Variants in COL19A1 observed in about 807,000 individuals in gnomAD.
The protein encoded by COL19A1 is collagen type XIX alpha 1 chain.
In COL19A1, 159 loss-of-function variants were observed where a neutral mutation model predicts 190.2. The ratio of observed to expected loss-of-function variants is 0.84; its 90% confidence interval spans 0.73 to 0.95. The LOEUF (loss-of-function observed/expected upper bound fraction) is 0.95. Among genes scored for constraint, COL19A1 ranks in the 40% least tolerant of loss-of-function variants. The pLI, the probability that COL19A1 is intolerant of heterozygous loss-of-function variation, is 0.00. For missense variants in COL19A1, 1,418 were observed against 1,431.9 expected (o/e 0.99, Z 0.16); for synonymous variants, 509 against 458.9 (o/e 1.11, Z -1.39).
rs1786212130 is a variant in COL19A1, at chr6:70,140,957, G to C, written c.1450G>C (p.Glu484Gln). Residue 484 changes from glutamate (E) to glutamine (Q), a missense_variant, in exon 20 of 51, where the codon GAG becomes CAG. Coordinates refer to ENST00000620364, the MANE Select transcript of COL19A1 (RefSeq NM_001858.6). ...GPKGQKGEPG[E>Q]PFTKGEKGDR... ...ATTTTCTACCCCTTCTCCTTAGGGA[G>C]AGCCTTTTACAAAAGGAGAAAAAGG... is the stretch of plus-strand genomic sequence containing the variant. 1.9e-6 allele frequency: 3 copies of C among 1,610,534 alleles called. No homozygotes were observed. The highest frequency in any genetic ancestry group is 2.5e-6 in the Non-Finnish European group (3 of 1,177,522).
intron 42 of COL19A1, among the ~76,000 whole-genome samples, chr6:70,178,868 G>C (rs901674654): frequency 3.9e-5 from 6 of 152,178 alleles, no homozygotes; most frequent in African/African-American, 1.4e-4. Context: ...TGGGTTTACA[G>C]GAAGAAGTGC....
chr6:70,161,686 A>G (rs375418970), intron 34 of COL19A1, among the ~76,000 whole-genome samples: 38 of 152,292 alleles, frequency 2.5e-4, no homozygotes, highest in African/African-American at 8.4e-4. Flanking sequence ...CAATTTATCC[A>G]CATAACCGAA....
At chr6:69,873,431 G>A (rs1767952097) in intron 1 of COL19A1, among the ~76,000 whole-genome samples, 1 of 152,152 alleles carries the variant, frequency 6.6e-6, no homozygotes, top group Admixed American at 6.5e-5. Context: ...ACATATGCGT[G>A]TGTGAGGCTT....
At chr6:69,968,972 T>C (rs1775270218) in intron 11 of COL19A1, among the ~76,000 whole-genome samples, 1 of 152,188 alleles carries the variant, frequency 6.6e-6, no homozygotes, top group Non-Finnish European at 1.5e-5. Context: ...TCACATATTT[T>C]TGTGTTCTGT....
chr6:70,076,006 T>C (rs1032406982), intron 15 of COL19A1, among the ~76,000 whole-genome samples: 3 of 152,230 alleles, frequency 2.0e-5, no homozygotes, highest in African/African-American at 7.2e-5. Context: ...TTTATTTATG[T>C]GAATAGACCC....
At chr6:69,920,787 G>A (rs887018699) in intron 4 of COL19A1, among the ~76,000 whole-genome samples, 2 of 150,472 alleles carry the variant, frequency 1.3e-5, no homozygotes, top group African/African-American at 4.9e-5. Context: ...TTCAAATGTA[G>A]GTTAGTATTA....
Position 70,207,519 on chromosome 6 carries a change from G to T in COL19A1, c.*245G>T. The T allele has an allele frequency of 3.6e-6, 1 of 277,774 alleles. No homozygotes were observed. The highest frequency in any genetic ancestry group is 6.7e-6 in the Non-Finnish European group (1 of 150,340). The allele number at this position is 277,774 out of a possible 1,614,324, so 17.2% of individuals were successfully genotyped here. On this transcript the variant is annotated 3_prime_UTR_variant, in exon 51 of 51. Transcript: ENST00000620364. ...ACAATTGCTATGATTTTTACTCAGAGTTTTATATGAAATATGCAAGTAAAT... is the reference window on the plus strand; with the variant it reads ...ACAATTGCTATGATTTTTACTCAGATTTTTATATGAAATATGCAAGTAAAT...
intron 49 of COL19A1, 94 bp from the exon 50 acceptor site, chr6:70,206,807 A>G (rs1042958509): frequency 2.6e-5 from 27 of 1,040,830 alleles, no homozygotes; most frequent in Non-Finnish European, 2.9e-5. Flanking sequence ...AATGTATCAC[A>G]TAATTATCAC....
At chr6:70,131,045 A>ATT (rs1562203476) in intron 18 of COL19A1, 1 of 462,268 alleles carries the variant, frequency 2.2e-6, no homozygotes, top group Non-Finnish European at 4.5e-6. Flanking sequence ...TCCCCTTGTC[A>ATT]TTTGCAGGTT....
At chr6:70,115,642 A>G (rs1394736600) in intron 16 of COL19A1, among the ~76,000 whole-genome samples, 1 of 152,142 alleles carries the variant, frequency 6.6e-6, no homozygotes, top group East Asian at 1.9e-4. Context: ...TTTCACCTAT[A>G]TGTGGCCCAT....
intron 13 of COL19A1, among the ~76,000 whole-genome samples, chr6:70,034,582 T>C (rs926376471): frequency 2.6e-5 from 4 of 152,200 alleles, no homozygotes; most frequent in African/African-American, 9.6e-5. Flanking sequence ...TTAGCAAGTG[T>C]GACCTGTATT....
At position 69,932,819 on chromosome 6, in the gene COL19A1, A is replaced by C; in HGVS notation, c.703A>C (p.Asn235His). 40 of 1,609,440 alleles carry C rather than the reference A, an allele frequency of 2.5e-5. No homozygotes were observed. The highest frequency in any genetic ancestry group is 3.4e-5 in the Non-Finnish European group (40 of 1,177,124). ...LHQLKIYCSANLIAQETCCEI... is the reference protein window; with the variant it reads ...LHQLKIYCSAHLIAQETCCEI... ...CCAACTTAAAATCTACTGCAGTGCA[A>C]ACCTCATAGCTCAAGAAACATGTTG... Residue 235 changes from asparagine (N) to histidine (H), a missense_variant, in exon 7 of 51, where the codon AAC (asparagine) becomes CAC (histidine). Transcript: ENST00000620364.
In COL19A1 at chr6:70,195,136, GATATATATAT is replaced by G. The variant is rs202055762; in HGVS notation, c.3095-4454_3095-4445del. 4.4e-5 allele frequency among the ~76,000 whole-genome samples: 6 copies of G among 136,020 alleles called. No individual in the cohort carries two copies. The South Asian group carries it at 7.2e-4, about 16-fold the overall frequency. The allele number at this position is 136,020 out of a possible 152,430, so 89.2% of individuals were successfully genotyped here. ...CATCTGATAAATATACATCATTGATGATATATATATATATATATATATATATAAAGAGTTA... is the reference window on the plus strand; with the variant it reads ...CATCTGATAAATATACATCATTGATGATATATATATATATATAAAGAGTTA... On this transcript the variant is annotated intron_variant, in intron 48 of 50. Transcript: ENST00000620364.
chr6:69,966,664 C>G (rs1425449421), intron 11 of COL19A1, among the ~76,000 whole-genome samples: 1 of 151,978 alleles, frequency 6.6e-6, no homozygotes, highest in Non-Finnish European at 1.5e-5. Flanking sequence ...CTAGGAAAAC[C>G]AGAGACCTTT....
chr6:69,919,515 T>C (rs1771555607), intron 4 of COL19A1, among the ~76,000 whole-genome samples: 1 of 152,072 alleles, frequency 6.6e-6, no homozygotes, highest in South Asian at 2.1e-4. Flanking sequence ...CAGAAAACTT[T>C]TAGGTTTTAT....
In COL19A1 at chr6:70,035,928, C is replaced by G; in HGVS notation, c.1159C>G (p.Pro387Ala). Residue 387 changes from proline (P) to alanine (A), a missense_variant, in exon 14 of 51, where the codon CCA becomes GCA. Pro to Ala is a conservative substitution (Grantham distance 27). Transcript: ENST00000620364. ...GGGAGATACAGGACCCCCAGGACCA[C>G]CAGCCTTACCTGTAAGTATTCTTGA... The part of the protein sequence containing the change: ...EKGDTGPPGP[P>A]ALPGSLGIQG... 3.7e-6 allele frequency: 6 copies of G among 1,613,426 alleles called. No individual in the cohort carries two copies. Among genetic ancestry groups the G allele is most frequent in the Non-Finnish European group, 5.1e-6 (6 of 1,179,464 alleles).
chr6:69,898,366 AG>A (rs1769931979), intron 2 of COL19A1, among the ~76,000 whole-genome samples: 1 of 152,192 alleles, frequency 6.6e-6, no homozygotes, highest in African/African-American at 2.4e-5. Context: ...ACATTCACTG[AG>A]TTGAGACTAT....
chr6:70,025,132 G>A (rs1358820623), intron 12 of COL19A1, among the ~76,000 whole-genome samples: 1 of 151,342 alleles, frequency 6.6e-6, no homozygotes, highest in Non-Finnish European at 1.5e-5. Context: ...CTGGGTTCAC[G>A]CCATTCTCCT....
In COL19A1 at chr6:70,035,804, A is replaced by G. The variant is rs2208089; in HGVS notation, c.1135-100A>G. 47,943 of 914,282 alleles carry G rather than the reference A, an allele frequency of 0.052. 1,461 individuals carry two copies. The highest frequency in any genetic ancestry group is 0.083 in the South Asian group (5,281 of 63,438). 56.6% of individuals were successfully genotyped at this position (914,282 alleles called of 1,614,324 possible). A position where few individuals can be genotyped will look rare whatever the true frequency, so the allele number is the denominator to read the frequency against. Reference sequence around the variant, plus strand: ...TGAAGTTCTATTTTTCTATTCTTCAAGATTTATCTCTATATATTGCTTCTA... The same window carrying G: ...TGAAGTTCTATTTTTCTATTCTTCAGGATTTATCTCTATATATTGCTTCTA... On this transcript the variant is annotated intron_variant, in intron 13 of 50. Coordinates refer to ENST00000620364, the MANE Select transcript of COL19A1 (RefSeq NM_001858.6).
Sources: allele counts gnomAD v4.1 joint callset (sites outside exome capture counted in the v4.1 genomes callset), GRCh38; gene constraint gnomAD v4.1.1; transcripts MANE v1.5; gene names NCBI Gene and HGNC (gene_info 2026-07-23, HGNC 2026-07-21).